The following CCDC91 variants were observed in gnomAD, a reference collection of about 807,000 sequenced individuals.
The protein encoded by CCDC91 is coiled-coil domain-containing protein 91.
In CCDC91, 48 loss-of-function variants were observed where a neutral mutation model predicts 63.2. That is an observed-to-expected ratio of 0.76 (90% CI 0.60 to 0.97). The LOEUF is 0.97. Ranked by LOEUF, CCDC91 falls within the 50% of genes least tolerant of loss-of-function variation. The pLI is 0.00. For synonymous variants in CCDC91, 167 were observed against 165.8 expected (o/e 1.01, Z -0.06); for missense variants, 500 against 494.6 (o/e 1.01, Z -0.10).
chr12:28,438,065 A>C (rs1480707282), intron 8 of CCDC91, among the ~76,000 whole-genome samples: 1 of 152,130 alleles, frequency 6.6e-6, no homozygotes, highest in African/African-American at 2.4e-5. Flanking sequence ...TATGACACTT[A>C]AGCATCAAAT....
chr12:28,417,229 G>A (rs916299878), intron 8 of CCDC91, among the ~76,000 whole-genome samples: 4 of 151,976 alleles, frequency 2.6e-5, no homozygotes, highest in Non-Finnish European at 5.9e-5. Flanking sequence ...TATTTGTGAT[G>A]TTGGCTTTCA....
chr12:28,277,934 A>T (rs1948353828), intron 3 of CCDC91, among the ~76,000 whole-genome samples: 1 of 151,956 alleles, frequency 6.6e-6, no homozygotes, highest in African/African-American at 2.4e-5. Context: ...CTAGTGGCCC[A>T]GTGAAACTGA....
At chr12:28,538,194 G>A (rs1442837279) in intron 12 of CCDC91, among the ~76,000 whole-genome samples, 1 of 150,658 alleles carries the variant, frequency 6.6e-6, no homozygotes, top group African/African-American at 2.4e-5. Flanking sequence ...CCATGTTGGT[G>A]TGCTACACCC....
At chr12:28,523,276 T>C (rs1940917225) in intron 12 of CCDC91, among the ~76,000 whole-genome samples, 1 of 152,218 alleles carries the variant, frequency 6.6e-6, no homozygotes, top group Non-Finnish European at 1.5e-5. Flanking sequence ...GGTGCATATA[T>C]ATTTAGGATA....
At chr12:28,489,708 T>C (rs1195703629) in intron 12 of CCDC91, among the ~76,000 whole-genome samples, 1 of 151,910 alleles carries the variant, frequency 6.6e-6, no homozygotes, top group African/African-American at 2.4e-5. Context: ...TTTTCTTTAC[T>C]TCAAAGGTTT....
chr12:28,506,861 A>G (rs557096814), intron 12 of CCDC91, among the ~76,000 whole-genome samples: 13 of 141,910 alleles, frequency 9.2e-5, no homozygotes, highest in African/African-American at 3.1e-4. Context: ...CTTCAGGGGT[A>G]AAAAAAAAAA....
intron 8 of CCDC91, among the ~76,000 whole-genome samples, chr12:28,417,195 A>G (rs1173062792): frequency 6.6e-6 from 1 of 151,838 alleles, no homozygotes; most frequent in African/African-American, 2.4e-5. Flanking sequence ...CTTTTTTATT[A>G]ATTTTTAATT....
intron 12 of CCDC91, among the ~76,000 whole-genome samples, chr12:28,485,943 G>T (rs889662138): frequency 1.1e-4 from 17 of 152,194 alleles, no homozygotes; most frequent in African/African-American, 3.6e-4. Context: ...GTGGGTATTT[G>T]CTTTTTTATC....
intron 12 of CCDC91, among the ~76,000 whole-genome samples, chr12:28,522,826 T>C (rs1940859320): frequency 6.6e-6 from 1 of 152,220 alleles, no homozygotes; most frequent in Non-Finnish European, 1.5e-5. Context: ...TTCATTTCGT[T>C]ATGTACCCAG....
intron 8 of CCDC91, among the ~76,000 whole-genome samples, chr12:28,400,394 C>A (rs867141081): frequency 5.3e-5 from 8 of 150,214 alleles, no homozygotes; most frequent in South Asian, 2.2e-4. Context: ...ATTTTTCCCC[C>A]CTAGGCCTCC....
chr12:28,267,883 T>C (rs374144998), intron 3 of CCDC91, among the ~76,000 whole-genome samples: 1 of 56,498 alleles, frequency 1.8e-5, no homozygotes, highest in African/African-American at 5.6e-5. Context: ...TTATATATAA[T>C]TATTATAATT....
intron 6 of CCDC91, among the ~76,000 whole-genome samples, chr12:28,320,131 C>A (rs560105124): frequency 8.6e-5 from 13 of 152,004 alleles, no homozygotes; most frequent in African/African-American, 3.1e-4. Flanking sequence ...GACATTATTT[C>A]ATCTCTTATA....
intron 1 of CCDC91, among the ~76,000 whole-genome samples, chr12:28,250,577 T>C (rs1169873288): frequency 1.3e-5 from 2 of 152,138 alleles, no homozygotes; most frequent in Admixed American, 1.3e-4. Flanking sequence ...TAGAGCTGTT[T>C]CAATGCTAGC....
chr12:28,462,583 T>C (rs1950359157), intron 11 of CCDC91, among the ~76,000 whole-genome samples: 1 of 152,042 alleles, frequency 6.6e-6, no homozygotes. Context: ...GTCTCTACTG[T>C]TAAGTAGATT....
intron 1 of CCDC91, among the ~76,000 whole-genome samples, chr12:28,247,920 G>C (rs187482955): frequency 2.6e-5 from 4 of 152,206 alleles, no homozygotes; most frequent in Admixed American, 2.0e-4. Context: ...AATAGGGTTC[G>C]TGCTCCTTTG....
intron 12 of CCDC91, among the ~76,000 whole-genome samples, chr12:28,496,422 A>T (rs1952284268): frequency 6.6e-6 from 1 of 151,630 alleles, no homozygotes; most frequent in Admixed American, 6.6e-5. Flanking sequence ...GGAGCAGAGC[A>T]GGCTAGATAA....
At chr12:28,289,685 CTTTTTTTTT>C (rs75555723) in intron 3 of CCDC91, among the ~76,000 whole-genome samples, 6 of 98,538 alleles carry the variant, frequency 6.1e-5, no homozygotes, top group South Asian at 3.8e-4. Flanking sequence ...CTTTTCTTTT[CTTTTTTTTT>C]TTTTTTTTTT....
chr12:28,353,158 C>T (rs1302377346), intron 6 of CCDC91, among the ~76,000 whole-genome samples: 2 of 152,188 alleles, frequency 1.3e-5, no homozygotes, highest in African/African-American at 4.8e-5. Context: ...TCTCTGATAA[C>T]CTCAGATTTG....
At chr12:28,388,672 C>A (rs933555431) in intron 7 of CCDC91, among the ~76,000 whole-genome samples, 59 of 152,122 alleles carry the variant, frequency 3.9e-4, no homozygotes, top group African/African-American at 1.3e-3. Context: ...TGAAAATGAC[C>A]ATACTGCCAA....
Sources: gnomAD v4.1 joint callset for allele counts (sites outside exome capture counted in the v4.1 genomes callset) on GRCh38, gnomAD v4.1.1 for gene constraint, MANE v1.5 for transcripts, NCBI Gene and HGNC (gene_info 2026-07-23, HGNC 2026-07-21) for gene names.